OR9G1: variants seen among roughly 807,000 people sequenced by gnomAD.
The protein encoded by OR9G1 is olfactory receptor 9G1.
OR9G1 carries 21 observed loss-of-function variants against 14.5 expected under a neutral mutation model. The observed-to-expected ratio is 1.45, with a 90% CI of 1.03 to 2.09. OR9G1 has a LOEUF of 2.09. Among genes scored for constraint, OR9G1 ranks in the 30% most tolerant of loss-of-function variants. OR9G1 has a pLI of 0.00. For synonymous variants in OR9G1, 179 were observed against 153.3 expected (o/e 1.17, Z -1.24); for missense variants, 476 against 364.2 (o/e 1.31, Z -2.50).
rs780689942 is a variant in OR9G1 at position 56,701,165 on chromosome 11, C to T, written c.778C>T (p.Leu260Phe). The T allele has an allele frequency of 4.3e-6, 7 of 1,614,192 alleles. No homozygotes were observed. Among genetic ancestry groups the T allele is most frequent in the Admixed American group, 1.7e-5 (1 of 60,018 alleles). Residue 260 changes from leucine to phenylalanine, a missense_variant, in exon 2 of 2, where the codon CTC becomes TTC. By Grantham distance (22) the Leu-to-Phe change is conservative (BLOSUM62 0). Transcript: ENST00000642097. ...TGGCTCCATTCTCTACATCTACGCT[C>T]TCCCCAGATCTAGCTATTCTTTTGA... Reference protein sequence around the residue: ...YYGSILYIYALPRSSYSFDMD... With the variant: ...YYGSILYIYAFPRSSYSFDMD...
At chr11:56,699,543 T>G (rs189695936) in intron 1 of OR9G1, among the ~76,000 whole-genome samples, 250 of 152,364 alleles carry the variant, frequency 1.6e-3, no homozygotes, top group Non-Finnish European at 1.9e-3. Flanking sequence ...TGACTTAGGT[T>G]AATGAGAAGT....
At chr11:56,700,318 T>C (rs1185550154) in intron 1 of OR9G1, 52 bp from the exon 2 acceptor site, 1 of 1,579,496 alleles carries the variant, frequency 6.3e-7, no homozygotes, top group East Asian at 2.2e-5. Context: ...GTAACATAAT[T>C]CTACATATTC....
At position 56,701,458 on chromosome 11, in the gene OR9G1, T is replaced by A. The variant is rs1019002531; in HGVS notation, c.*153T>A. 1.9e-5 allele frequency: 21 copies of A among 1,129,090 alleles called. No individual in the cohort carries two copies. The South Asian group carries it at 4.1e-4, about 22-fold the overall frequency. 69.9% of individuals were successfully genotyped at this position (1,129,090 alleles called of 1,614,324 possible). A position where few individuals can be genotyped will look rare whatever the true frequency, so the allele number is the denominator to read the frequency against. On this transcript the variant is annotated 3_prime_UTR_variant, in exon 2 of 2. Transcript: ENST00000642097. ...TGTACAATAAGAAAATTAGGAAAAT[T>A]TCGGACAAAAACATCTGAATATATA...
Position 56,701,048 on chromosome 11 carries a change from A to G in OR9G1, c.661A>G (p.Ile221Val). ...CATCCTGGCCTCCTACCTCTTTATC[A>G]TCACCAGTGTCTTGAGGATCTCCTC... ...VLILASYLFI[I>V]TSVLRISSSK... Residue 221 changes from isoleucine (I) to valine (V), a missense_variant, in exon 2 of 2, where the codon ATC becomes GTC. By Grantham distance (29) the Ile-to-Val change is conservative. This residue lies in a region of OR9G1 where 352 missense variants were observed against 211.6 expected (regional missense o/e 1.66). Coordinates refer to ENST00000642097, the MANE Select transcript of OR9G1 (RefSeq NM_001005213.2). 6.2e-7 allele frequency: 1 copy of G among 1,614,318 alleles called. No individual in the cohort carries two copies. The highest frequency in any genetic ancestry group is 8.5e-7 in the Non-Finnish European group (1 of 1,180,058).
rs1857648790 is a variant in OR9G1, at chr11:56,702,020, A to T, written c.*715A>T. On this transcript the variant is annotated 3_prime_UTR_variant, in exon 2 of 2. Transcript: ENST00000642097. ...CATCAAAGGGCAATTATCATCATTT[A>T]AAAAATAATTATTATTTTGGCTAAG... The T allele has an allele frequency of 1.3e-5, 2 of 152,306 alleles. No individual in the cohort carries two copies. Among genetic ancestry groups the T allele is most frequent in the African/African-American group, 4.8e-5 (2 of 41,486 alleles). The allele number at this position is 152,306 out of a possible 1,614,324, so 9.4% of individuals were successfully genotyped here.
chr11:56,701,288 A>T lies in OR9G1; in HGVS notation c.901A>T (p.Lys301Ter). 2 of 1,605,774 alleles carry T rather than the reference A, an allele frequency of 1.2e-6. No homozygotes were observed. The highest frequency in any genetic ancestry group is 1.1e-5 in the South Asian group (1 of 89,666). ...LRNKDVKEALKKLLP is the reference protein window; with the variant it reads ...LRNKDVKEAL ...GAATAAGGATGTGAAAGAGGCTCTG[A>T]AAAAACTTCTCCCATAAATCAAGAT... is the stretch of plus-strand genomic sequence containing the variant. Residue 301 changes from lysine (K) to a stop codon, truncating the protein, a stop_gained, in exon 2 of 2, where the codon AAA becomes TAA. Transcript: ENST00000642097. LOFTEE classifies it high-confidence loss of function.
chr11:56,699,591 T>C (rs1280467254), intron 1 of OR9G1, among the ~76,000 whole-genome samples: 1 of 152,272 alleles, frequency 6.6e-6, no homozygotes, highest in Non-Finnish European at 1.5e-5. Context: ...GTAAGACAGA[T>C]GTATGCTAGA....
chr11:56,702,004 G>A lies in OR9G1; in HGVS notation c.*699G>A, dbSNP rs533166231. ...ATTGTGACCTTCTGAGCATCAAAGG[G>A]CAATTATCATCATTTAAAAAATAAT... On this transcript the variant is annotated 3_prime_UTR_variant, in exon 2 of 2. Coordinates refer to ENST00000642097, the MANE Select transcript of OR9G1 (RefSeq NM_001005213.2). 2.6e-5 allele frequency: 4 copies of A among 152,418 alleles called. No homozygotes were observed. Among genetic ancestry groups the A allele is most frequent in the African/African-American group, 4.8e-5 (2 of 41,608 alleles). The allele number at this position is 152,418 out of a possible 1,614,324, so 9.4% of individuals were successfully genotyped here.
intron 1 of OR9G1, among the ~76,000 whole-genome samples, chr11:56,699,977 CTT>C (rs1445171440): frequency 2.0e-5 from 3 of 151,832 alleles, no homozygotes; most frequent in South Asian, 2.1e-4. Flanking sequence ...AGGAAAAATA[CTT>C]TATTCTTTTT....
At chr11:56,700,330 T>A in intron 1 of OR9G1, 40 bp from the exon 2 acceptor site, 1 of 1,596,164 alleles carries the variant, frequency 6.3e-7, no homozygotes, top group Admixed American at 1.7e-5. Flanking sequence ...TACATATTCA[T>A]GACAGTAATG....
In OR9G1 at chr11:56,700,538, G is replaced by A. The variant is rs1283996950; in HGVS notation, c.151G>A (p.Asp51Asn). 6.8e-6 allele frequency: 11 copies of A among 1,614,198 alleles called. No individual in the cohort carries two copies. Among genetic ancestry groups the A allele is most frequent in the Non-Finnish European group, 8.5e-6 (10 of 1,180,064 alleles). The change falls in exon 2 of 2, where the codon GAC (aspartate) becomes AAC (asparagine). Residue 51 changes from aspartate to asparagine, a missense_variant. Transcript: ENST00000642097. Reference protein sequence around the residue: ...NSTLIVLICNDSCLHTPMYFF... With the variant: ...NSTLIVLICNNSCLHTPMYFF... ...CACCCTCATCGTGTTGATCTGTAAT[G>A]ACTCCTGCCTCCACACACCCATGTA...
chr11:56,701,698 A>G lies in OR9G1; in HGVS notation c.*393A>G. The G allele has an allele frequency of 5.8e-6, 1 of 172,298 alleles. No individual in the cohort carries two copies. The highest frequency in any genetic ancestry group is 1.2e-5 in the Non-Finnish European group (1 of 82,704). 10.7% of individuals were successfully genotyped at this position (172,298 alleles called of 1,614,324 possible). On this transcript the variant is annotated 3_prime_UTR_variant, in exon 2 of 2. Transcript: ENST00000642097. ...ATTTTCCTATGTTTAACTGGATGAA[A>G]TTCATCACTTTCCATTCCCTGAACA...
Position 56,700,261 on chromosome 11 carries a change from A to G in OR9G1, c.-18-109A>G, listed in dbSNP as rs1857587989. On this transcript the variant is annotated intron_variant, in intron 1 of 1. Transcript: ENST00000642097. ...TGAAGACTTTCTAAAACAAACAATT[A>G]GATTGTTGGTTCTAGACTTCACGAA... 13 of 1,440,284 alleles carry G rather than the reference A, an allele frequency of 9.0e-6. No homozygotes were observed. The South Asian group carries it at 1.7e-4, about 19-fold the overall frequency. The allele number at this position is 1,440,284 out of a possible 1,614,324, so 89.2% of individuals were successfully genotyped here.
Position 56,701,048 on chromosome 11 carries a change from A to T in OR9G1, c.661A>T (p.Ile221Phe). Residue 221 changes from isoleucine (I) to phenylalanine (F), a missense_variant, in exon 2 of 2, where the codon ATC becomes TTC. Physicochemically the swap from Ile to Phe is conservative, Grantham distance 21. Around this residue, in one of 3 missense-constraint regions of OR9G1, gnomAD observed 352 missense variants for 211.6 expected, o/e 1.66. Coordinates refer to ENST00000642097, the MANE Select transcript of OR9G1 (RefSeq NM_001005213.2). ...CATCCTGGCCTCCTACCTCTTTATCATCACCAGTGTCTTGAGGATCTCCTC... is the reference window on the plus strand; with the variant it reads ...CATCCTGGCCTCCTACCTCTTTATCTTCACCAGTGTCTTGAGGATCTCCTC... ...VLILASYLFI[I>F]TSVLRISSSK... The T allele has an allele frequency of 6.2e-7, 1 of 1,614,320 alleles. No homozygotes were observed. The highest frequency in any genetic ancestry group is 8.5e-7 in the Non-Finnish European group (1 of 1,180,060).
intron 1 of OR9G1, 144 bp from the exon 2 acceptor site, chr11:56,700,226 T>TCG: frequency 1.9e-3 from 2 of 1,028 alleles, no homozygotes; most frequent in Non-Finnish European, 2.2e-3. Flanking sequence ...AAAGCCTGAT[T>TCG]GTTGCAAAAT....
Position 56,701,987 on chromosome 11 carries a change from C to A in OR9G1, c.*682C>A, listed in dbSNP as rs1041852204. On this transcript the variant is annotated 3_prime_UTR_variant, in exon 2 of 2. Coordinates refer to ENST00000642097, the MANE Select transcript of OR9G1 (RefSeq NM_001005213.2). ...AGGACTTTTACATTAAAATTGTGAC[C>A]TTCTGAGCATCAAAGGGCAATTATC... 1 of 152,306 alleles carries A rather than the reference C, an allele frequency of 6.6e-6. No homozygotes were observed. Among genetic ancestry groups the A allele is most frequent in the Non-Finnish European group, 1.5e-5 (1 of 68,060 alleles). The allele number at this position is 152,306 out of a possible 1,614,324, so 9.4% of individuals were successfully genotyped here.
chr11:56,701,371 CAG>C lies in OR9G1; in HGVS notation c.*69_*70del, dbSNP rs2135019851. The C allele has an allele frequency of 1.3e-6, 2 of 1,525,250 alleles. No homozygotes were observed. Among genetic ancestry groups the C allele is most frequent in the East Asian group, 2.2e-5 (1 of 44,532 alleles). The allele number at this position is 1,525,250 out of a possible 1,614,324, so 94.5% of individuals were successfully genotyped here. ...TAGATGGAGTGTTGTGTATTTCAAA[CAG>C]AGTTACCATTGTGCTTTATCGTGAT... On this transcript the variant is annotated 3_prime_UTR_variant, in exon 2 of 2. Coordinates refer to ENST00000642097, the MANE Select transcript of OR9G1 (RefSeq NM_001005213.2).
In OR9G1 at chr11:56,701,569, G is replaced by A. The variant is rs537174809; in HGVS notation, c.*264G>A. The A allele has an allele frequency of 1.3e-4, 66 of 506,500 alleles. No homozygotes were observed. The highest frequency in any genetic ancestry group is 1.1e-3 in the African/African-American group (56 of 50,088). 31.4% of individuals were successfully genotyped at this position (506,500 alleles called of 1,614,324 possible). The stretch of plus-strand genomic sequence containing the variant: ...AACCTCTCCTATACCTTCATAAAGT[G>A]AGGAACAGCCTACCTCATTAGCCTA... On this transcript the variant is annotated 3_prime_UTR_variant, in exon 2 of 2. Coordinates refer to ENST00000642097, the MANE Select transcript of OR9G1 (RefSeq NM_001005213.2).
chr11:56,699,498 T>G (rs933602941), intron 1 of OR9G1, among the ~76,000 whole-genome samples: 1 of 152,312 alleles, frequency 6.6e-6, no homozygotes. Flanking sequence ...ATACAAATCA[T>G]GTACACTTGA....
Sources: gnomAD v4.1 joint callset for allele counts (sites outside exome capture counted in the v4.1 genomes callset) on GRCh38, gnomAD v4.1.1 for gene constraint, gnomAD v4.1.1 regional missense constraint, MANE v1.5 for transcripts, NCBI Gene and HGNC (gene_info 2026-07-23, HGNC 2026-07-21) for gene names.